The following STRN3 variants were observed in gnomAD, a reference collection of about 807,000 sequenced individuals.
STRN3 encodes the protein striatin 3.
Under a neutral mutation model 95.6 loss-of-function variants are expected in STRN3, and 29 were observed. That is an observed-to-expected ratio of 0.30 (90% confidence interval 0.23 to 0.41). STRN3 has a LOEUF of 0.41. Ranked by LOEUF, STRN3 falls within the 10% of genes least tolerant of loss-of-function variation. The pLI is 1.00. For missense variants in STRN3, 890 were observed against 972.1 expected, an observed-to-expected ratio of 0.92 and a Z score of 1.12; for synonymous variants, 331 against 357.6, an observed-to-expected ratio of 0.93 and a Z score of 0.84.
intron 1 of STRN3, among the ~76,000 whole-genome samples, chr14:30,957,377 C>T (rs1336811790): frequency 1.4e-5 from 2 of 140,444 alleles, no homozygotes; most frequent in African/African-American, 5.4e-5. Flanking sequence ...GGCGTGAACC[C>T]AGGAAGTGGA....
chr14:30,954,718 A>G (rs1879816652), intron 3 of STRN3, among the ~76,000 whole-genome samples: 1 of 152,200 alleles, frequency 6.6e-6, no homozygotes, highest in African/African-American at 2.4e-5. Context: ...AGTTGTGAGC[A>G]AAAAAGACTT....
chr14:30,966,422 C>A (rs895894531), intron 1 of STRN3, among the ~76,000 whole-genome samples: 1 of 152,184 alleles, frequency 6.6e-6, no homozygotes, highest in Non-Finnish European at 1.5e-5. Flanking sequence ...GGATTACATT[C>A]CCCACCAGGG....
chr14:31,006,559 G>A (rs929745472), intron 1 of STRN3, among the ~76,000 whole-genome samples: 1 of 152,226 alleles, frequency 6.6e-6, no homozygotes, highest in African/African-American at 2.4e-5. Flanking sequence ...GGCTGGGCAT[G>A]GTGGTGGGCA....
intron 3 of STRN3, among the ~76,000 whole-genome samples, chr14:30,954,070 T>C (rs187444629): frequency 3.1e-4 from 47 of 152,332 alleles, no homozygotes; most frequent in African/African-American, 1.1e-3. Flanking sequence ...CTCTTCTGCA[T>C]TTTAGCCATT....
chr14:31,017,577 G>A (rs552586577), intron 1 of STRN3, among the ~76,000 whole-genome samples: 1 of 152,082 alleles, frequency 6.6e-6, no homozygotes, highest in East Asian at 1.9e-4. Flanking sequence ...TGTATTGAGG[G>A]ACTTGAGCAT....
chr14:30,934,189 T>C (rs1878702131), intron 7 of STRN3, among the ~76,000 whole-genome samples: 1 of 152,038 alleles, frequency 6.6e-6, no homozygotes, highest in South Asian at 2.1e-4. Flanking sequence ...CTGGGTGTGG[T>C]GGTGCACGCC....
At chr14:30,930,069 T>C (rs1878454389) in intron 7 of STRN3, among the ~76,000 whole-genome samples, 1 of 151,386 alleles carries the variant, frequency 6.6e-6, no homozygotes, top group Admixed American at 6.6e-5. Flanking sequence ...CATACATTGC[T>C]GTACAACTGC....
At chr14:30,965,457 C>A (rs539373601) in intron 1 of STRN3, among the ~76,000 whole-genome samples, 5 of 151,894 alleles carry the variant, frequency 3.3e-5, no homozygotes, top group Non-Finnish European at 1.5e-5. Flanking sequence ...GAGACTAAGG[C>A]AGAAACGTCA....
chr14:30,948,352 A>G (rs879389691), intron 4 of STRN3, among the ~76,000 whole-genome samples: 7 of 152,236 alleles, frequency 4.6e-5, no homozygotes, highest in Non-Finnish European at 1.0e-4. Context: ...GATGTGGGTC[A>G]TTAATCTTTG....
At chr14:30,961,718 C>T (rs1344846002) in intron 1 of STRN3, among the ~76,000 whole-genome samples, 2 of 152,180 alleles carry the variant, frequency 1.3e-5, no homozygotes, top group East Asian at 3.8e-4. Context: ...AAGTCCTGGG[C>T]TCAGGTGATC....
At chr14:30,989,460 T>G (rs1177390924) in intron 1 of STRN3, among the ~76,000 whole-genome samples, 1 of 151,992 alleles carries the variant, frequency 6.6e-6, no homozygotes, top group Non-Finnish European at 1.5e-5. Flanking sequence ...CACAGGATTT[T>G]TATTTATTTA....
chr14:30,971,486 T>C (rs1880824053), intron 1 of STRN3, among the ~76,000 whole-genome samples: 1 of 152,160 alleles, frequency 6.6e-6, no homozygotes, highest in Non-Finnish European at 1.5e-5. Context: ...ACTATATCTA[T>C]TACAACCAAC....
At chr14:30,940,263 T>C (rs1377647034) in intron 5 of STRN3, among the ~76,000 whole-genome samples, 2 of 152,186 alleles carry the variant, frequency 1.3e-5, no homozygotes, top group Non-Finnish European at 2.9e-5. Flanking sequence ...CTCTCTTTAT[T>C]AGATATCTTT....
At chr14:31,004,294 A>C (rs1327822818) in intron 1 of STRN3, among the ~76,000 whole-genome samples, 1 of 151,778 alleles carries the variant, frequency 6.6e-6, no homozygotes, top group African/African-American at 2.4e-5. Flanking sequence ...CCTGCCTAAA[A>C]AAAAAGTTAA....
Position 31,026,148 on chromosome 14 carries a change from C to T in STRN3, c.38G>A (p.Gly13Glu). The change falls in exon 1 of 18, where the codon GGG (glycine) becomes GAG (glutamate). Residue 13 changes from glycine to glutamate, a missense_variant. Coordinates refer to ENST00000357479, the MANE Select transcript of STRN3 (RefSeq NM_001083893.2). Reference protein sequence around the residue: ...ELAGGGGGGPGMAAPPRQQQG... With the variant: ...ELAGGGGGGPEMAAPPRQQQG... ...CTGCTGCCGGGGAGGGGCCGCCATCCCCGGGCCGCCACCACCGCCTCCGGC... is the reference window on the plus strand; with the variant it reads ...CTGCTGCCGGGGAGGGGCCGCCATCTCCGGGCCGCCACCACCGCCTCCGGC... 12 of 1,489,860 alleles carry T rather than the reference C, an allele frequency of 8.1e-6. No homozygotes were observed. The highest frequency in any genetic ancestry group is 9.8e-6 in the Non-Finnish European group (11 of 1,127,008). The allele number at this position is 1,489,860 out of a possible 1,614,324, so 92.3% of individuals were successfully genotyped here.
intron 1 of STRN3, among the ~76,000 whole-genome samples, chr14:30,969,293 C>A (rs185072248): frequency 6.6e-6 from 1 of 151,932 alleles, no homozygotes; most frequent in East Asian, 1.9e-4. Context: ...CAAAATTAGC[C>A]GGGCATGGTG....
chr14:31,005,091 T>C (rs1267984257), intron 1 of STRN3, among the ~76,000 whole-genome samples: 3 of 152,124 alleles, frequency 2.0e-5, no homozygotes, highest in African/African-American at 7.2e-5. Context: ...CCTAGCACTT[T>C]GGAAGGCCGA....
chr14:31,005,814 A>G (rs1367846770), intron 1 of STRN3, among the ~76,000 whole-genome samples: 5 of 152,208 alleles, frequency 3.3e-5, no homozygotes, highest in African/African-American at 1.2e-4. Context: ...ATAACCAATT[A>G]TAAGTACAGC....
intron 1 of STRN3, among the ~76,000 whole-genome samples, chr14:31,009,168 C>T (rs1376563884): frequency 6.6e-6 from 1 of 151,920 alleles, no homozygotes; most frequent in Non-Finnish European, 1.5e-5. Context: ...TCGATATATA[C>T]ATCCCAACAA....
Sources: gnomAD v4.1 joint callset for allele counts (sites outside exome capture counted in the v4.1 genomes callset) on GRCh38, gnomAD v4.1.1 for gene constraint, MANE v1.5 for transcripts, NCBI Gene and HGNC (gene_info 2026-07-23, HGNC 2026-07-21) for gene names.